The following RP1L1 variants were observed in gnomAD, a reference collection of about 807,000 sequenced individuals.
RP1L1 encodes the protein RP1 like 1, also known as retinitis pigmentosa 1-like 1 protein.
RP1L1 carries 27 observed loss-of-function variants against 15.7 expected under a neutral mutation model. The observed-to-expected ratio is 1.72, with a 90% CI of 1.27 to 2.38. The LOEUF (loss-of-function observed/expected upper bound fraction) is 2.38. Ranked by LOEUF, RP1L1 falls within the 30% of genes most tolerant of loss-of-function variation. The probability of loss-of-function intolerance (pLI) is 0.00; values close to 1 mark genes in which losing one functional copy is unlikely to be tolerated. For synonymous variants in RP1L1, 1,813 were observed against 1,276.7 expected, an observed-to-expected ratio of 1.42 and a Z score of -8.96; for missense variants, 4,798 against 3,075.9, an observed-to-expected ratio of 1.56 and a Z score of -13.24.
At position 10,608,219 on chromosome 8, in the gene RP1L1, A is replaced by G; in HGVS notation, c.5879T>C (p.Val1960Ala). 2 of 1,516,732 alleles carry G rather than the reference A, an allele frequency of 1.3e-6. No homozygotes were observed. The highest frequency in any genetic ancestry group is 1.8e-6 in the Non-Finnish European group (2 of 1,135,412). The allele number at this position is 1,516,732 out of a possible 1,614,324, so 94.0% of individuals were successfully genotyped here. ...AEGQTQPESE[V>A]IESQEAEEEA... is the part of the protein sequence containing the mutation. The stretch of plus-strand genomic sequence containing the variant: ...CTCTTCTGCCTCCTGGGACTCTATA[A>G]CTTCTGACTCTGGCTGGGTCTGCCC... Residue 1960 changes from valine to alanine, a missense_variant, in exon 4 of 4, where the codon GTT becomes GCT. Val to Ala is a moderately conservative substitution (Grantham distance 64). Transcript: ENST00000382483.
rs763525163 is a variant in RP1L1, at chr8:10,610,328, C to T, written c.3770G>A (p.Cys1257Tyr). The change falls in exon 4 of 4, where the codon TGT (cysteine) becomes TAT (tyrosine). Residue 1257 changes from cysteine to tyrosine, a missense_variant. Transcript: ENST00000382483. ...TCGGGCGTTCAAGAAGGTTGGGAAA[C>T]AACACTGCTGTTGGTTTTCCAGATC... ...PGDLENQQQC[C>Y]FPTFLNARAC... 1.2e-6 allele frequency: 2 copies of T among 1,614,212 alleles called. No homozygotes were observed. The highest frequency in any genetic ancestry group is 2.2e-5 in the East Asian group (1 of 44,886).
At chr8:10,650,792 C>G (rs1798548141) in intron 1 of RP1L1, among the ~76,000 whole-genome samples, 1 of 152,122 alleles carries the variant, frequency 6.6e-6, no homozygotes, top group Admixed American at 6.5e-5. Context: ...TTCTCGAACT[C>G]CTGACCTCAG....
intron 1 of RP1L1, among the ~76,000 whole-genome samples, chr8:10,626,245 T>TA (rs1554455462): frequency 1.3e-5 from 2 of 151,484 alleles, no homozygotes; most frequent in African/African-American, 4.9e-5. Context: ...AGCGGGAGGA[T>TA]GGGGGAGGCT....
Position 10,633,998 on chromosome 8 carries a change from C to T in RP1L1, c.-19-10778G>A, listed in dbSNP as rs563237081. Among the ~76,000 whole-genome samples the T allele has an allele frequency of 2.6e-5, 4 of 152,196 alleles. No individual in the cohort carries two copies. In the South Asian group the frequency reaches 8.3e-4, roughly 32 times the overall value. Reference sequence around the variant, plus strand: ...TGGAGAAGGGTGCCCGAGGGCCTGACCAGGAGGCTCAAGTCACCCTGATCC... The same window carrying T: ...TGGAGAAGGGTGCCCGAGGGCCTGATCAGGAGGCTCAAGTCACCCTGATCC... On this transcript the variant is annotated intron_variant, in intron 1 of 3. Coordinates refer to ENST00000382483, the MANE Select transcript of RP1L1 (RefSeq NM_178857.6).
chr8:10,636,505 C>A (rs1473803188), intron 1 of RP1L1, among the ~76,000 whole-genome samples: 2 of 152,122 alleles, frequency 1.3e-5, no homozygotes, highest in Non-Finnish European at 2.9e-5. Flanking sequence ...CAGTTGAGGC[C>A]CCGCCTTCTT....
At chr8:10,652,179 C>T (rs1798572654) in intron 1 of RP1L1, among the ~76,000 whole-genome samples, 1 of 152,178 alleles carries the variant, frequency 6.6e-6, no homozygotes, top group Admixed American at 6.5e-5. Flanking sequence ...TCTCAAAATG[C>T]ATTCCCATCA....
intron 2 of RP1L1, among the ~76,000 whole-genome samples, chr8:10,622,351 A>T (rs1798073628): frequency 6.6e-6 from 1 of 151,888 alleles, no homozygotes; most frequent in Non-Finnish European, 1.5e-5. Flanking sequence ...AAAAAAAAAA[A>T]AGAGTACACA....
intron 1 of RP1L1, among the ~76,000 whole-genome samples, chr8:10,640,011 TTTTG>T (rs1416198929): frequency 5.9e-5 from 9 of 152,170 alleles, no homozygotes; most frequent in Non-Finnish European, 1.2e-4. Context: ...TGGTCAGGGG[TTTTG>T]TTTGTTTGCC....
intron 2 of RP1L1, chr8:10,621,828 C>T (rs914002273): frequency 4.3e-6 from 2 of 466,420 alleles, no homozygotes; most frequent in East Asian, 6.3e-5. Flanking sequence ...ATCATAGTGG[C>T]TTCCAGCAGA....
intron 2 of RP1L1, chr8:10,620,962 C>G (rs1798048721): frequency 6.6e-6 from 1 of 152,204 alleles, no homozygotes; most frequent in African/African-American, 2.4e-5. Flanking sequence ...TGGTGGGAGA[C>G]AGAGGAACAG....
rs1177833131 is a variant in RP1L1 at position 10,609,265 on chromosome 8, C to T, written c.4833G>A (p.Arg1611=). 6.2e-7 allele frequency: 1 copy of T among 1,609,196 alleles called. No homozygotes were observed. Among genetic ancestry groups the T allele is most frequent in the African/African-American group, 1.3e-5 (1 of 74,928 alleles). ...AGAAGGCCGAGAGGTTTCGCAGGCCCCGGAGACGGTGTCTGCGCTGCTGGG... is the reference window on the plus strand; with the variant it reads ...AGAAGGCCGAGAGGTTTCGCAGGCCTCGGAGACGGTGTCTGCGCTGCTGGG... ...LQTQQRRHRL[R]GLRNLSAFSE... Residue 1611 remains arginine (R), a synonymous_variant, in exon 4 of 4, where the codon CGG becomes CGA. Coordinates refer to ENST00000382483, the MANE Select transcript of RP1L1 (RefSeq NM_178857.6).
At chr8:10,624,273 A>T (rs868309662) in intron 1 of RP1L1, among the ~76,000 whole-genome samples, 1 of 152,192 alleles carries the variant, frequency 6.6e-6, no homozygotes, top group Non-Finnish European at 1.5e-5. Context: ...TGCAACCATT[A>T]GTAGGACATG....
intron 2 of RP1L1, among the ~76,000 whole-genome samples, chr8:10,619,888 G>T (rs564761953): frequency 6.6e-6 from 1 of 151,818 alleles, no homozygotes; most frequent in South Asian, 2.1e-4. Context: ...TTGAACCTAG[G>T]GGGCAGAGGT....
intron 2 of RP1L1, among the ~76,000 whole-genome samples, chr8:10,620,353 C>A (rs1039131086): frequency 4.6e-5 from 7 of 152,178 alleles, no homozygotes; most frequent in Non-Finnish European, 1.0e-4. Flanking sequence ...CGCCTGTAGT[C>A]TCAGCACTTT....
intron 1 of RP1L1, among the ~76,000 whole-genome samples, chr8:10,640,376 G>T (rs1048094881): frequency 6.6e-6 from 1 of 152,124 alleles, no homozygotes; most frequent in African/African-American, 2.4e-5. Flanking sequence ...TTAATACTTT[G>T]TGGCTAGGCG....
chr8:10,638,304 G>C (rs1370894690), intron 1 of RP1L1, among the ~76,000 whole-genome samples: 1 of 152,162 alleles, frequency 6.6e-6, no homozygotes, highest in Non-Finnish European at 1.5e-5. Flanking sequence ...AGTTTGGGTA[G>C]CCTTGATGAT....
rs758031123 is a variant in RP1L1 at position 10,607,524 on chromosome 8, C to G, written c.6574G>C (p.Glu2192Gln). The change falls in exon 4 of 4, where the codon GAG becomes CAG. Residue 2192 changes from glutamate to glutamine, a missense_variant. Physicochemically the swap from Glu to Gln is conservative, Grantham distance 29 (BLOSUM62 2). Coordinates refer to ENST00000382483, the MANE Select transcript of RP1L1 (RefSeq NM_178857.6). ...APEAEGEAQP[E>Q]SEGIEAPEAE... ...TCTGGGGCCTCTATACCTTCTGACT[C>G]TGGCTGGGCCTCCCCTTCTGCCTCT... 6 of 1,606,748 alleles carry G rather than the reference C, an allele frequency of 3.7e-6. No homozygotes were observed. Among genetic ancestry groups the G allele is most frequent in the Non-Finnish European group, 5.1e-6 (6 of 1,175,150 alleles).
rs532513105 is a variant in RP1L1, at chr8:10,654,479, C to G, written c.-20+419G>C. Among the ~76,000 whole-genome samples the G allele has an allele frequency of 3.3e-5, 5 of 152,226 alleles. No individual in the cohort carries two copies. In the East Asian group the frequency reaches 7.7e-4, roughly 24 times the overall value. ...CACCTCCCCAGAATCTGCTCCCACC[C>G]CAGCTGACCTCACCCTGCAGGAATC... On this transcript the variant is annotated intron_variant, in intron 1 of 3. Coordinates refer to ENST00000382483, the MANE Select transcript of RP1L1 (RefSeq NM_178857.6).
intron 2 of RP1L1, among the ~76,000 whole-genome samples, chr8:10,619,960 C>CAAAAA (rs34459240): frequency 1.1e-5 from 1 of 87,210 alleles, no homozygotes; most frequent in Non-Finnish European, 2.2e-5. Context: ...GACTCCATCT[C>CAAAAA]AAAAAAAAAA....
Sources: gnomAD v4.1 joint callset for allele counts (sites outside exome capture counted in the v4.1 genomes callset) on GRCh38, gnomAD v4.1.1 for gene constraint, MANE v1.5 for transcripts, NCBI Gene and HGNC (gene_info 2026-07-23, HGNC 2026-07-21) for gene names.